ARMCX4: variants seen among roughly 807,000 people sequenced by gnomAD.
The protein encoded by ARMCX4 is armadillo repeat containing X-linked 4.
In ARMCX4, 3 loss-of-function variants were observed where a neutral mutation model predicts 34.7. That is an observed-to-expected ratio of 0.09 (90% CI 0.04 to 0.22). The LOEUF (loss-of-function observed/expected upper bound fraction) is 0.22. Among genes scored for constraint, ARMCX4 ranks in the 10% least tolerant of loss-of-function variants. The pLI, the probability that ARMCX4 is intolerant of heterozygous loss-of-function variation, is 1.00. For missense variants in ARMCX4, 1,448 were observed against 1,720.8 expected (o/e 0.84, Z 2.81); for synonymous variants, 513 against 632.8 (o/e 0.81, Z 2.84).
At chrX:101,512,415 A>T (rs1934600090) in intron 11 of ARMCX4, among the ~76,000 whole-genome samples, 1 of 111,557 alleles carries the variant, frequency 9.0e-6, no homozygotes, top group Non-Finnish European at 1.9e-5. Flanking sequence ...TTTTGTTCTT[A>T]GTCCAATGAG....
chrX:101,529,928 G>A (rs996448743), intron 11 of ARMCX4, among the ~76,000 whole-genome samples: 10 of 111,751 alleles, frequency 8.9e-5, no homozygotes, highest in Non-Finnish European at 1.7e-4. Context: ...CAGTGTGGCG[G>A]TTCCTCAGGG....
At chrX:101,520,419 T>C (rs1934825862) in intron 11 of ARMCX4, among the ~76,000 whole-genome samples, 1 of 112,503 alleles carries the variant, frequency 8.9e-6, no homozygotes, top group African/African-American at 3.2e-5. Flanking sequence ...ACATCTTTTA[T>C]CAAATGGAGG....
intron 4 of ARMCX4, among the ~76,000 whole-genome samples, chrX:101,464,889 T>C (rs1932765752): frequency 9.0e-6 from 1 of 111,569 alleles, no homozygotes; most frequent in Non-Finnish European, 1.9e-5. Flanking sequence ...GAATCACAGA[T>C]GGAGTGCGGA....
At position 101,494,427 on chromosome X, in the gene ARMCX4, A is replaced by G. The variant is rs1934128801; in HGVS notation, c.5838A>G (p.Ile1946Met). The G allele has an allele frequency of 8.7e-7, 1 of 1,153,827 alleles. No homozygotes were observed. Among genetic ancestry groups the G allele is most frequent in the Non-Finnish European group, 1.1e-6 (1 of 872,599 alleles). The change falls in exon 6 of 6, where the codon ATA becomes ATG. Residue 1946 changes from isoleucine to methionine, a missense_variant. Ile to Met is a conservative substitution (Grantham distance 10). Around this residue, in one of 2 missense-constraint regions of ARMCX4, gnomAD observed 1,343 missense variants for 1,540.7 expected, o/e 0.87. Coordinates refer to ENST00000423738, the MANE Select transcript of ARMCX4 (RefSeq NM_001256155.3). Reference protein sequence around the residue: ...DKFEAAGGVDIGSWFCAGNEN... With the variant: ...DKFEAAGGVDMGSWFCAGNEN... ...TTGAGGCTGCTGGTGGAGTTGATAT[A>G]GGGTCTTGGTTCTGTGCTGGTAATG...
At chrX:101,520,929 CTTT>C (rs201578184) in intron 11 of ARMCX4, among the ~76,000 whole-genome samples, 4 of 94,752 alleles carry the variant, frequency 4.2e-5, no homozygotes. Flanking sequence ...AATTAAATGT[CTTT>C]TTTTTTTTTT....
chrX:101,431,395 T>C (rs1929986447), intron 2 of ARMCX4, among the ~76,000 whole-genome samples: 1 of 112,391 alleles, frequency 8.9e-6, no homozygotes, highest in Non-Finnish European at 1.9e-5. Flanking sequence ...GAGGTGGCTC[T>C]CAATACGTTT....
intron 2 of ARMCX4, among the ~76,000 whole-genome samples, chrX:101,438,895 G>A (rs139480760): frequency 0.045 from 4,984 of 111,319 alleles, 91 homozygotes; most frequent in Middle Eastern, 0.065. Context: ...CCTGAATACA[G>A]CACACTAATG....
chrX:101,493,543 G>T lies in ARMCX4; in HGVS notation c.4954G>T (p.Asp1652Tyr). The T allele has an allele frequency of 8.7e-7, 1 of 1,154,823 alleles. No homozygotes were observed. Among genetic ancestry groups the T allele is most frequent in the Non-Finnish European group, 1.1e-6 (1 of 872,167 alleles). The change falls in exon 6 of 6, where the codon GAT (aspartate) becomes TAT (tyrosine). Residue 1652 changes from aspartate to tyrosine, a missense_variant. By Grantham distance (160) the Asp-to-Tyr change is radical (BLOSUM62 -3). Transcript: ENST00000423738. ...SSGRSWIGPGDQAVDCSKPEF... is the reference protein window; with the variant it reads ...SSGRSWIGPGYQAVDCSKPEF... ...TGGAAGGTCCTGGATTGGGCCTGGG[G>T]ATCAGGCTGTTGACTGTTCCAAGCC...
At chrX:101,434,467 C>T (rs12840993) in intron 2 of ARMCX4, among the ~76,000 whole-genome samples, 1 of 109,355 alleles carries the variant, frequency 9.1e-6, no homozygotes, top group Non-Finnish European at 1.9e-5. Flanking sequence ...AGGCTGGTCT[C>T]GAACTCCTGA....
Position 101,493,105 on chromosome X carries a change from G to A in ARMCX4, c.4516G>A (p.Ala1506Thr). 5 of 1,150,592 alleles carry A rather than the reference G, an allele frequency of 4.3e-6. No individual in the cohort carries two copies. Among genetic ancestry groups the A allele is most frequent in the Non-Finnish European group, 4.6e-6 (4 of 870,281 alleles). 94.8% of individuals were successfully genotyped at this position (1,150,592 alleles called of 1,213,427 possible). A position where few individuals can be genotyped will look rare whatever the true frequency, so the allele number is the denominator to read the frequency against. The change falls in exon 6 of 6, where the codon GCC (alanine) becomes ACC (threonine). Residue 1506 changes from alanine to threonine, a missense_variant. Physicochemically the swap from Ala to Thr is moderately conservative, Grantham distance 58. Around this residue, in one of 2 missense-constraint regions of ARMCX4, gnomAD observed 1,343 missense variants for 1,540.7 expected, o/e 0.87. Transcript: ENST00000423738. ...GDSWAGTGDQASGWFCVCPGS... is the reference protein window; with the variant it reads ...GDSWAGTGDQTSGWFCVCPGS... The stretch of plus-strand genomic sequence containing the variant: ...TTCCTGGGCTGGCACTGGGGACCAG[G>A]CCAGTGGATGGTTCTGTGTTTGCCC...
chrX:101,505,066 C>T (rs1303783431), exon 8 of ARMCX4: 4 of 111,244 alleles, frequency 3.6e-5, no homozygotes, highest in African/African-American at 1.3e-4. Context: ...GATGGGTTCC[C>T]AATGTGACAG....
At chrX:101,458,853 T>A (rs1286499880) in intron 4 of ARMCX4, among the ~76,000 whole-genome samples, 2 of 111,803 alleles carry the variant, frequency 1.8e-5, no homozygotes, top group Non-Finnish European at 3.8e-5. Context: ...AAACAAAGCA[T>A]TGATACTTAT....
At chrX:101,529,109 C>T (rs782442533) in intron 11 of ARMCX4, among the ~76,000 whole-genome samples, 8 of 111,798 alleles carry the variant, frequency 7.2e-5, no homozygotes, top group African/African-American at 2.6e-4. Context: ...GTAACCAAAA[C>T]AGCATGGTAC....
chrX:101,490,427 A>G lies in ARMCX4; in HGVS notation c.1838A>G (p.His613Arg). 8.7e-7 allele frequency: 1 copy of G among 1,150,454 alleles called. No individual in the cohort carries two copies. Among genetic ancestry groups the G allele is most frequent in the Admixed American group, 2.6e-5 (1 of 38,254 alleles). 94.8% of individuals were successfully genotyped at this position (1,150,454 alleles called of 1,213,427 possible). Residue 613 changes from histidine (H) to arginine (R), a missense_variant, in exon 6 of 6, where the codon CAT becomes CGT. Physicochemically the swap from His to Arg is conservative, Grantham distance 29 (BLOSUM62 0). This residue lies in a region of ARMCX4 where 1,343 missense variants were observed against 1,540.7 expected (regional missense o/e 0.87). Transcript: ENST00000423738. ...AAGAATAAAGTCAAGGGCAATCCCCATACTGTGCTTAAGGTGGGGGCTGGA... is the reference window on the plus strand; with the variant it reads ...AAGAATAAAGTCAAGGGCAATCCCCGTACTGTGCTTAAGGTGGGGGCTGGA... ...GAKNKVKGNP[H>R]TVLKVGAGEG...
At position 101,434,825 on chromosome X, in the gene ARMCX4, C is replaced by G. The variant is rs569163012; in HGVS notation, n.165-9227C>G. On this transcript the variant is annotated intron_variant and non_coding_transcript_variant, in intron 2 of 3. Coordinates refer to the ARMCX4 transcript ENST00000430461. ...ACAACAGGCCCTGGTGTGTGATGTT[C>G]CCCTTCCTGTGTCCATGTGTTCTCA... Among the ~76,000 whole-genome samples, 18 of 96,039 alleles carry G rather than the reference C, an allele frequency of 1.9e-4. No individual in the cohort carries two copies. In the South Asian group the frequency reaches 0.011, roughly 61 times the overall value. 83.4% of individuals were successfully genotyped at this position (96,039 alleles called of 115,157 possible). A position where few individuals can be genotyped will look rare whatever the true frequency, so the allele number is the denominator to read the frequency against.
chrX:101,476,519 G>A (rs560028085), intron 4 of ARMCX4, among the ~76,000 whole-genome samples: 1 of 111,034 alleles, frequency 9.0e-6, no homozygotes, highest in East Asian at 2.8e-4. Context: ...TGAAGAGAAG[G>A]TGACACAATA....
chrX:101,521,663 T>C (rs1387347289), intron 11 of ARMCX4, among the ~76,000 whole-genome samples: 1 of 111,080 alleles, frequency 9.0e-6, no homozygotes, highest in Non-Finnish European at 1.9e-5. Context: ...TATTTATAGC[T>C]ATATTTTTCT....
At chrX:101,527,700 C>G (rs1935010796) in intron 11 of ARMCX4, among the ~76,000 whole-genome samples, 1 of 111,827 alleles carries the variant, frequency 8.9e-6, no homozygotes, top group African/African-American at 3.2e-5. Context: ...ATACTATAAA[C>G]ACCTCTATGC....
chrX:101,483,863 C>T (rs1933577335), upstream of ARMCX4, among the ~76,000 whole-genome samples: 1 of 111,753 alleles, frequency 8.9e-6, no homozygotes. Flanking sequence ...CTCCTCCACA[C>T]AGGGGCCCCT....
Sources: gnomAD v4.1 joint callset for allele counts (sites outside exome capture counted in the v4.1 genomes callset) on GRCh38, gnomAD v4.1.1 for gene constraint, gnomAD v4.1.1 regional missense constraint, MANE v1.5 for transcripts, NCBI Gene and HGNC (gene_info 2026-07-23, HGNC 2026-07-21) for gene names.